The following KIF16B variants were observed in gnomAD, a reference collection of about 807,000 sequenced individuals.
The protein encoded by KIF16B is kinesin-like protein KIF16B.
KIF16B carries 98 observed loss-of-function variants against 156.3 expected under a neutral mutation model. The ratio of observed to expected loss-of-function variants is 0.63; its 90% CI spans 0.53 to 0.74. KIF16B has a LOEUF of 0.74. KIF16B is among the 30% of genes least tolerant of loss of function. The probability of loss-of-function intolerance (pLI) is 0.00; values close to 1 mark genes in which losing one functional copy is unlikely to be tolerated. For synonymous variants in KIF16B, 564 were observed against 583.7 expected, an observed-to-expected ratio of 0.97 and a Z score of 0.49; for missense variants, 1,421 against 1,606.5, an observed-to-expected ratio of 0.88 and a Z score of 1.97.
In KIF16B at chr20:16,312,336, T is replaced by G. The variant is rs746081048; in HGVS notation, c.3794A>C (p.Glu1265Ala). ...RVIAERRSHL[E>A]KYLRDFFSVM... ...GGAAAAACAGCTTAATTCTGTTACCTCTAAGTGACTTCGTCTCTCAGCAAT... is the reference window on the plus strand; with the variant it reads ...GGAAAAACAGCTTAATTCTGTTACCGCTAAGTGACTTCGTCTCTCAGCAAT... Residue 1265 changes from glutamate to alanine, a missense_variant and splice_region_variant, in exon 25 of 26, where the codon GAG becomes GCG. Coordinates refer to ENST00000354981, the MANE Select transcript of KIF16B (RefSeq NM_024704.5). 1 of 1,610,968 alleles carries G rather than the reference T, an allele frequency of 6.2e-7. No homozygotes were observed. Among genetic ancestry groups the G allele is most frequent in the South Asian group, 1.1e-5 (1 of 90,984 alleles).
At chr20:16,572,000 T>C (rs562955799) in intron 1 of KIF16B, among the ~76,000 whole-genome samples, 1 of 152,352 alleles carries the variant, frequency 6.6e-6, no homozygotes, top group Admixed American at 6.5e-5. Context: ...GAAAAAGAAC[T>C]TCTATACACA....
intron 25 of KIF16B, among the ~76,000 whole-genome samples, chr20:16,301,949 C>T (rs575549035): frequency 2.0e-5 from 3 of 152,274 alleles, no homozygotes; most frequent in East Asian, 1.9e-4. Context: ...CATGCTTGGC[C>T]TCTTTTGCCT....
At chr20:16,342,426 T>C (rs1173121656) in intron 23 of KIF16B, among the ~76,000 whole-genome samples, 2 of 152,110 alleles carry the variant, frequency 1.3e-5, no homozygotes, top group Admixed American at 1.3e-4. Context: ...TTGCCATTAT[T>C]TTACTTTTCA....
At chr20:16,515,291 A>G (rs980178394) in intron 4 of KIF16B, among the ~76,000 whole-genome samples, 10 of 152,194 alleles carry the variant, frequency 6.6e-5, no homozygotes, top group Non-Finnish European at 1.5e-4. Flanking sequence ...CTTTTTTGAT[A>G]AGATTATAAG....
chr20:16,297,131 C>G (rs1452600717), intron 25 of KIF16B, among the ~76,000 whole-genome samples: 1 of 152,230 alleles, frequency 6.6e-6, no homozygotes, highest in Non-Finnish European at 1.5e-5. Flanking sequence ...CAGATTGAAA[C>G]TACACCATCG....
chr20:16,358,462 T>G (rs1054024902), intron 22 of KIF16B, among the ~76,000 whole-genome samples: 3 of 152,204 alleles, frequency 2.0e-5, no homozygotes, highest in Non-Finnish European at 4.4e-5. Context: ...CAGGTGATGT[T>G]CACTTCAAGA....
Position 16,471,813 on chromosome 20 carries a change from G to C in KIF16B, c.1302+22478C>G, listed in dbSNP as rs148891761. Among the ~76,000 whole-genome samples, 477 of 152,222 alleles carry C rather than the reference G, an allele frequency of 3.1e-3. 3 individuals carry two copies. Among genetic ancestry groups the C allele is most frequent in the East Asian group, 0.02 (102 of 5,182 alleles). On this transcript the variant is annotated intron_variant, in intron 12 of 25. Transcript: ENST00000354981. Reference sequence around the variant, plus strand: ...AAAGTATGGCTAATTTACTACCTATGGTTCTTCAGAACTTTCCATATTTAT... The same window carrying C: ...AAAGTATGGCTAATTTACTACCTATCGTTCTTCAGAACTTTCCATATTTAT...
chr20:16,385,902 G>A (rs1025301932), intron 17 of KIF16B, among the ~76,000 whole-genome samples: 35 of 152,208 alleles, frequency 2.3e-4, no homozygotes, highest in African/African-American at 8.0e-4. Flanking sequence ...AATGTTACTA[G>A]TAACTGGCAG....
At chr20:16,367,438 C>A in intron 22 of KIF16B, 1 of 1,612,798 alleles carries the variant, frequency 6.2e-7, no homozygotes, top group Non-Finnish European at 8.5e-7. Context: ...AAATTGTGCA[C>A]CCGGAGGAGG....
intron 15 of KIF16B, among the ~76,000 whole-genome samples, chr20:16,408,218 T>C (rs565334987): frequency 1.3e-5 from 2 of 152,252 alleles, no homozygotes; most frequent in South Asian, 4.1e-4. Flanking sequence ...TGATATGGGT[T>C]GGTTTTAGTG....
intron 25 of KIF16B, among the ~76,000 whole-genome samples, chr20:16,277,251 T>C (rs1393890154): frequency 1.3e-5 from 2 of 152,170 alleles, no homozygotes; most frequent in African/African-American, 4.8e-5. Flanking sequence ...AAACCACCGA[T>C]TGGCTTTAAC....
At chr20:16,501,685 T>C (rs1457315021) in intron 10 of KIF16B, among the ~76,000 whole-genome samples, 1 of 152,156 alleles carries the variant, frequency 6.6e-6, no homozygotes, top group Non-Finnish European at 1.5e-5. Context: ...GATCCACTAC[T>C]ACATGCAACA....
At chr20:16,531,862 G>A (rs2069762584) in intron 1 of KIF16B, among the ~76,000 whole-genome samples, 1 of 152,062 alleles carries the variant, frequency 6.6e-6, no homozygotes, top group Non-Finnish European at 1.5e-5. Context: ...TGAAGTCAGG[G>A]TTCGAGACCA....
chr20:16,565,948 A>G (rs1180560915), intron 1 of KIF16B, among the ~76,000 whole-genome samples: 5 of 152,266 alleles, frequency 3.3e-5, no homozygotes, highest in African/African-American at 1.2e-4. Flanking sequence ...AGCAGGATAT[A>G]GAAGTGTGTA....
At chr20:16,416,599 T>C (rs2066093627) in intron 15 of KIF16B, among the ~76,000 whole-genome samples, 1 of 151,834 alleles carries the variant, frequency 6.6e-6, no homozygotes, top group South Asian at 2.1e-4. Context: ...GCGGAGACCA[T>C]CAGGAAAAAT....
chr20:16,278,743 G>A (rs1000407863), intron 25 of KIF16B, among the ~76,000 whole-genome samples: 1 of 152,166 alleles, frequency 6.6e-6, no homozygotes, highest in Non-Finnish European at 1.5e-5. Context: ...GCAGAAGAAG[G>A]GGGGATGTGG....
At chr20:16,398,750 G>C (rs949335435) in intron 17 of KIF16B, among the ~76,000 whole-genome samples, 1 of 152,138 alleles carries the variant, frequency 6.6e-6, no homozygotes, top group Non-Finnish European at 1.5e-5. Context: ...AGCCAATTGC[G>C]GAAGGAAAAA....
intron 12 of KIF16B, among the ~76,000 whole-genome samples, chr20:16,457,796 G>A (rs528862937): frequency 4.2e-4 from 64 of 151,546 alleles, no homozygotes; most frequent in Non-Finnish European, 1.3e-4. Context: ...TTGAAACAGG[G>A]CAAAAAAAAT....
chr20:16,511,665 G>C (rs1236212812), intron 5 of KIF16B, 138 bp from the exon 6 acceptor site: 1 of 575,366 alleles, frequency 1.7e-6, no homozygotes, highest in Non-Finnish European at 3.1e-6. Flanking sequence ...CTGTGTATCA[G>C]GTACAATGAG....
Sources: gnomAD v4.1 joint callset for allele counts (sites outside exome capture counted in the v4.1 genomes callset) on GRCh38, gnomAD v4.1.1 for gene constraint, MANE v1.5 for transcripts, NCBI Gene and HGNC (gene_info 2026-07-23, HGNC 2026-07-21) for gene names.